MALRD1: variants seen among roughly 807,000 people sequenced by gnomAD.
MALRD1 encodes MAM and LDL-receptor class A domain-containing protein 1.
Under a neutral mutation model 242.1 loss-of-function variants are expected in MALRD1, and 247 were observed. The observed-to-expected ratio is 1.02, with a 90% CI of 0.92 to 1.13. MALRD1 has a LOEUF of 1.13. MALRD1 is among the 50% of genes most tolerant of loss of function. The pLI, the probability that MALRD1 is intolerant of heterozygous loss-of-function variation, is 0.00. For missense variants in MALRD1, 2,989 were observed against 2,533.1 expected (o/e 1.18, Z -3.86); for synonymous variants, 995 against 866.6 (o/e 1.15, Z -2.60).
chr10:19,452,927 C>T (rs368326614), intron 29 of MALRD1, among the ~76,000 whole-genome samples: 6 of 152,208 alleles, frequency 3.9e-5, no homozygotes, highest in East Asian at 1.9e-4. Context: ...TTTCGCTTTG[C>T]GTCGGTTTCC....
chr10:19,231,650 C>T (rs560422911), intron 18 of MALRD1, among the ~76,000 whole-genome samples: 29 of 152,210 alleles, frequency 1.9e-4, no homozygotes, highest in Non-Finnish European at 3.7e-4. Context: ...TTAAGATGTG[C>T]CTTTGCTTCT....
At chr10:19,178,078 A>T (rs1167358136) in intron 14 of MALRD1, among the ~76,000 whole-genome samples, 7 of 152,158 alleles carry the variant, frequency 4.6e-5, no homozygotes, top group Non-Finnish European at 7.3e-5. Flanking sequence ...AAGGTTTTAA[A>T]TCATTACTAA....
intron 36 of MALRD1, among the ~76,000 whole-genome samples, chr10:19,684,122 T>C (rs1442793454): frequency 6.6e-6 from 1 of 152,198 alleles, no homozygotes; most frequent in African/African-American, 2.4e-5. Flanking sequence ...GAACTCATTC[T>C]TTTTTATGTC....
intron 29 of MALRD1, among the ~76,000 whole-genome samples, chr10:19,471,689 T>C (rs927426265): frequency 4.0e-5 from 6 of 149,010 alleles, no homozygotes; most frequent in African/African-American, 1.2e-4. Flanking sequence ...CTTTCATAGA[T>C]GGGTTTGTTT....
intron 29 of MALRD1, among the ~76,000 whole-genome samples, chr10:19,469,545 G>A (rs544060029): frequency 1.3e-5 from 2 of 152,154 alleles, no homozygotes; most frequent in African/African-American, 4.8e-5. Context: ...ATTACTTTAT[G>A]TAATCATGGA....
chr10:19,396,452 T>A (rs375823964), intron 28 of MALRD1, among the ~76,000 whole-genome samples: 35 of 152,256 alleles, frequency 2.3e-4, no homozygotes, highest in African/African-American at 6.3e-4. Context: ...TTCTATGTCA[T>A]GTGCTAAGTC....
rs138526596 is a variant in MALRD1 at position 19,087,487 on chromosome 10, A to G, written c.341-353A>G. Among the ~76,000 whole-genome samples the G allele has an allele frequency of 6.2e-4, 94 of 151,916 alleles. 4 individuals are homozygous for G. The East Asian group carries it at 0.016, about 26-fold the overall frequency. On this transcript the variant is annotated intron_variant, in intron 2 of 39. Transcript: ENST00000454679. ...TCTAGTGAGGATGTGGGCCTGAATT[A>G]TCACTTGGCGCCTTAAATTCACCAG... is the stretch of plus-strand genomic sequence containing the variant.
At chr10:19,142,161 G>A (rs1237321382) in intron 10 of MALRD1, among the ~76,000 whole-genome samples, 1 of 94,304 alleles carries the variant, frequency 1.1e-5, no homozygotes, top group Non-Finnish European at 1.8e-5. Flanking sequence ...GACAGAGCGA[G>A]ACTCTAACTC....
At chr10:19,098,487 A>C (rs1343563163) in intron 4 of MALRD1, among the ~76,000 whole-genome samples, 1 of 152,164 alleles carries the variant, frequency 6.6e-6, no homozygotes, top group Non-Finnish European at 1.5e-5. Flanking sequence ...ACTCTTCAAA[A>C]TCATTATCCG....
intron 34 of MALRD1, among the ~76,000 whole-genome samples, chr10:19,599,086 T>C (rs1452199587): frequency 6.6e-6 from 1 of 152,056 alleles, no homozygotes; most frequent in Non-Finnish European, 1.5e-5. Flanking sequence ...AAATGGGAAA[T>C]GTCGAAGAGG....
At chr10:19,109,917 C>T (rs1273300915) in intron 5 of MALRD1, among the ~76,000 whole-genome samples, 1 of 152,206 alleles carries the variant, frequency 6.6e-6, no homozygotes, top group Non-Finnish European at 1.5e-5. Context: ...ACTGTGGCAA[C>T]TGATCTTTGA....
intron 28 of MALRD1, among the ~76,000 whole-genome samples, chr10:19,406,071 G>A (rs1847089691): frequency 6.6e-6 from 1 of 152,080 alleles, no homozygotes; most frequent in Non-Finnish European, 1.5e-5. Context: ...GAATCCATAA[G>A]CCACTTTCTT....
At chr10:19,615,057 C>T (rs577243680) in intron 35 of MALRD1, among the ~76,000 whole-genome samples, 2 of 151,946 alleles carry the variant, frequency 1.3e-5, no homozygotes, top group East Asian at 1.9e-4. Flanking sequence ...AATAATATAT[C>T]GTACAGTTTC....
intron 36 of MALRD1, among the ~76,000 whole-genome samples, chr10:19,661,450 C>T (rs928748910): frequency 6.6e-6 from 1 of 152,130 alleles, no homozygotes; most frequent in Non-Finnish European, 1.5e-5. Context: ...GAATACTATG[C>T]AGCCATAAAA....
chr10:19,399,408 CTTAATTAATTT>C (rs1328728556), intron 28 of MALRD1, among the ~76,000 whole-genome samples: 2 of 152,048 alleles, frequency 1.3e-5, no homozygotes, highest in African/African-American at 4.8e-5. Flanking sequence ...CGTTTAAGTT[CTTAATTAATTT>C]TTAATGCATA....
At chr10:19,306,457 G>A (rs1264347082) in intron 21 of MALRD1, among the ~76,000 whole-genome samples, 3 of 135,144 alleles carry the variant, frequency 2.2e-5, no homozygotes, top group South Asian at 2.4e-4. Flanking sequence ...AGTATATATA[G>A]TGTCGTATAT....
At chr10:19,698,881 A>G (rs898437629) in intron 38 of MALRD1, among the ~76,000 whole-genome samples, 1 of 152,210 alleles carries the variant, frequency 6.6e-6, no homozygotes, top group African/African-American at 2.4e-5. Flanking sequence ...GAATGAGTTC[A>G]TGCCCTTTGC....
At chr10:19,446,025 T>C (rs1208449064) in intron 28 of MALRD1, among the ~76,000 whole-genome samples, 1 of 151,956 alleles carries the variant, frequency 6.6e-6, no homozygotes, top group Non-Finnish European at 1.5e-5. Flanking sequence ...GCCTCTCAGT[T>C]CAATCTCAGA....
intron 14 of MALRD1, among the ~76,000 whole-genome samples, chr10:19,186,923 C>T (rs1381701449): frequency 6.6e-6 from 1 of 152,130 alleles, no homozygotes; most frequent in Non-Finnish European, 1.5e-5. Flanking sequence ...CCACCTAACA[C>T]TAAGTGTTCC....
Sources: gnomAD v4.1 joint callset for allele counts (sites outside exome capture counted in the v4.1 genomes callset) on GRCh38, gnomAD v4.1.1 for gene constraint, MANE v1.5 for transcripts, NCBI Gene and HGNC (gene_info 2026-07-23, HGNC 2026-07-21) for gene names.